Variants in CACNB2 observed in about 807,000 individuals in gnomAD.
CACNB2 encodes calcium voltage-gated channel auxiliary subunit beta 2.
In CACNB2, 42 loss-of-function variants were observed where a neutral mutation model predicts 73.3. That is an observed-to-expected ratio of 0.57 (90% CI 0.45 to 0.74). The LOEUF is 0.74. Ranked by LOEUF, CACNB2 falls within the 30% of genes least tolerant of loss-of-function variation. The probability of loss-of-function intolerance (pLI) is 0.00; values close to 1 mark genes in which losing one functional copy is unlikely to be tolerated. For synonymous variants in CACNB2, 348 were observed against 310.3 expected (o/e 1.12, Z -1.28); for missense variants, 940 against 853.0 (o/e 1.10, Z -1.27).
At chr10:18,449,617 T>C (rs554080367) in intron 3 of CACNB2, among the ~76,000 whole-genome samples, 38 of 152,352 alleles carry the variant, frequency 2.5e-4, no homozygotes, top group African/African-American at 8.9e-4. Context: ...ATCTCCATTT[T>C]ACAGTTAAAG....
chr10:18,464,237 G>C (rs2047740277), intron 3 of CACNB2, among the ~76,000 whole-genome samples: 1 of 150,296 alleles, frequency 6.7e-6, no homozygotes, highest in Non-Finnish European at 1.5e-5. Flanking sequence ...CTCAAAGTTA[G>C]GGTTCTTTAG....
At chr10:18,297,453 G>T (rs2039323968) in intron 2 of CACNB2, among the ~76,000 whole-genome samples, 1 of 152,172 alleles carries the variant, frequency 6.6e-6, no homozygotes, top group South Asian at 2.1e-4. Context: ...AGCTACTCAG[G>T]AGGCTGAGGA....
intron 2 of CACNB2, among the ~76,000 whole-genome samples, chr10:18,157,158 A>G (rs1393045049): frequency 1.3e-5 from 2 of 152,194 alleles, no homozygotes; most frequent in African/African-American, 2.4e-5. Context: ...GGTGCAATAC[A>G]TGATCACTTA....
chr10:18,415,914 G>C (rs1000001363), intron 3 of CACNB2, among the ~76,000 whole-genome samples: 1 of 151,956 alleles, frequency 6.6e-6, no homozygotes, highest in African/African-American at 2.4e-5. Context: ...CTCAGCCCCA[G>C]ACAACTACCA....
At chr10:18,430,815 A>T (rs1427793186) in intron 3 of CACNB2, among the ~76,000 whole-genome samples, 2 of 152,218 alleles carry the variant, frequency 1.3e-5, no homozygotes, top group Non-Finnish European at 2.9e-5. Flanking sequence ...TGAAAAGTAC[A>T]TATTACTTGA....
chr10:18,255,504 C>A (rs558310253), intron 2 of CACNB2, among the ~76,000 whole-genome samples: 1 of 152,248 alleles, frequency 6.6e-6, no homozygotes, highest in African/African-American at 2.4e-5. Flanking sequence ...ATTCAAATTG[C>A]CTTGCCCCCT....
At chr10:18,389,221 T>C (rs1393611229) in intron 2 of CACNB2, among the ~76,000 whole-genome samples, 2 of 152,162 alleles carry the variant, frequency 1.3e-5, no homozygotes, top group African/African-American at 4.8e-5. Context: ...ACTGTAGCCT[T>C]GAACTCCTGA....
At chr10:18,448,479 TAA>T (rs56255761) in intron 3 of CACNB2, among the ~76,000 whole-genome samples, 110 of 107,070 alleles carry the variant, frequency 1.0e-3, no homozygotes, top group East Asian at 3.9e-3. Context: ...CTCTCTCATT[TAA>T]AAAAAAAAAA....
chr10:18,338,667 T>C (rs56267503), intron 2 of CACNB2, among the ~76,000 whole-genome samples: 11 of 41,996 alleles, frequency 2.6e-4, no homozygotes, highest in African/African-American at 1.5e-3. Context: ...CTTTTTCTTT[T>C]TTTCTCTCTC....
At chr10:18,177,739 G>C (rs1228862392) in intron 2 of CACNB2, among the ~76,000 whole-genome samples, 5 of 152,144 alleles carry the variant, frequency 3.3e-5, no homozygotes, top group Non-Finnish European at 5.9e-5. Context: ...GAAGAGTACA[G>C]GAAAAGCCAA....
At chr10:18,519,634 C>G (rs950416265) in intron 9 of CACNB2, 3 of 446,622 alleles carry the variant, frequency 6.7e-6, no homozygotes, top group Admixed American at 2.4e-5. Context: ...ATGGAAACTC[C>G]ATCACCATGT....
chr10:18,524,493 A>G (rs554263307), intron 9 of CACNB2, among the ~76,000 whole-genome samples: 1 of 151,272 alleles, frequency 6.6e-6, no homozygotes, highest in Non-Finnish European at 1.5e-5. Context: ...TGTTTCTACT[A>G]AAAGTACAAA....
intron 2 of CACNB2, chr10:18,401,227 G>T: frequency 2.7e-6 from 3 of 1,104,072 alleles, no homozygotes; most frequent in Non-Finnish European, 1.3e-6. Flanking sequence ...GGAGAGGGAA[G>T]CTAGGGAGAT....
intron 2 of CACNB2, among the ~76,000 whole-genome samples, chr10:18,277,936 C>T (rs2038371043): frequency 6.6e-6 from 1 of 152,046 alleles, no homozygotes. Flanking sequence ...TTCCTATAAC[C>T]AGCTATAACA....
intron 2 of CACNB2, among the ~76,000 whole-genome samples, chr10:18,171,040 C>G (rs534788266): frequency 2.6e-5 from 4 of 152,130 alleles, no homozygotes; most frequent in Non-Finnish European, 5.9e-5. Flanking sequence ...CATCATTAAA[C>G]GCACACTCTG....
At chr10:18,194,594 A>G (rs1311025060) in intron 2 of CACNB2, among the ~76,000 whole-genome samples, 1 of 152,142 alleles carries the variant, frequency 6.6e-6, no homozygotes, top group Non-Finnish European at 1.5e-5. Context: ...TTTAAATCAG[A>G]CCTGTTCATT....
intron 3 of CACNB2, among the ~76,000 whole-genome samples, chr10:18,493,472 A>G (rs2049586282): frequency 6.6e-6 from 1 of 151,906 alleles, no homozygotes; most frequent in South Asian, 2.1e-4. Context: ...ATCCAAGTAC[A>G]CTGTTTTATA....
chr10:18,284,731 A>G (rs183222608), intron 2 of CACNB2, among the ~76,000 whole-genome samples: 1 of 152,326 alleles, frequency 6.6e-6, no homozygotes, highest in Admixed American at 6.5e-5. Context: ...GAAAATTGTT[A>G]GATTATTTTT....
rs527663967 is a variant in CACNB2 at position 18,492,343 on chromosome 10, G to A, written c.334-6012G>A. Among the ~76,000 whole-genome samples, 8 of 152,270 alleles carry A rather than the reference G, an allele frequency of 5.3e-5. No individual in the cohort carries two copies. In the South Asian group the frequency reaches 1.2e-3, roughly 24 times the overall value. ...AAAGTGAATATGGGAAAACCTGGCCGGGCGTGGTGGCTCACACCTGTAATC... is the reference window on the plus strand; with the variant it reads ...AAAGTGAATATGGGAAAACCTGGCCAGGCGTGGTGGCTCACACCTGTAATC... On this transcript the variant is annotated intron_variant, in intron 3 of 13. Coordinates refer to ENST00000324631, the MANE Select transcript of CACNB2 (RefSeq NM_201596.3).
Sources: allele counts gnomAD v4.1 joint callset (sites outside exome capture counted in the v4.1 genomes callset), GRCh38; gene constraint gnomAD v4.1.1; transcripts MANE v1.5; gene names NCBI Gene and HGNC (gene_info 2026-07-23, HGNC 2026-07-21).